AP3D1: variants seen among roughly 807,000 people sequenced by gnomAD.
AP3D1 encodes the protein AP-3 complex subunit delta-1.
AP3D1 carries 51 observed loss-of-function variants against 147.6 expected under a neutral mutation model. The observed-to-expected ratio is 0.35, with a 90% CI of 0.28 to 0.44. AP3D1 has a LOEUF of 0.44. Ranked by LOEUF, AP3D1 falls within the 20% of genes least tolerant of loss-of-function variation. The pLI is 1.00. For synonymous variants in AP3D1, 760 were observed against 663.0 expected (o/e 1.15, Z -2.25); for missense variants, 1,421 against 1,624.2 (o/e 0.87, Z 2.15).
chr19:2,151,186 C>T (rs1455602732), intron 1 of AP3D1, 53 bp downstream of exon 1: 18 of 1,552,962 alleles, frequency 1.2e-5, no homozygotes, highest in Middle Eastern at 3.6e-4. Context: ...AGGGCTGGGC[C>T]CTGGGCCGGG....
At chr19:2,116,311 A>G (rs2145045659) in intron 17 of AP3D1, 33 bp from the exon 18 acceptor site, 2 of 1,604,816 alleles carry the variant, frequency 1.2e-6, no homozygotes. Context: ...AGCCCGAGAG[A>G]AGCGGGCAGG....
At chr19:2,155,624 G>A (rs1431249153), upstream of AP3D1, among the ~76,000 whole-genome samples, 1 of 151,084 alleles carries the variant, frequency 6.6e-6, no homozygotes, top group Non-Finnish European at 1.5e-5. Context: ...AACACACTGT[G>A]TTTTCTACCT....
At position 2,102,037 on chromosome 19, in the gene AP3D1, C is replaced by T. The variant is rs2017967899; in HGVS notation, c.*136G>A. 2 of 673,652 alleles carry T rather than the reference C, an allele frequency of 3.0e-6. No individual in the cohort carries two copies. Among genetic ancestry groups the T allele is most frequent in the Non-Finnish European group, 5.2e-6 (2 of 386,832 alleles). 41.7% of individuals were successfully genotyped at this position (673,652 alleles called of 1,614,324 possible). A position where few individuals can be genotyped will look rare whatever the true frequency, so the allele number is the denominator to read the frequency against. ...CGCAACAAATGACCTCGGATGTCTA[C>T]ACGGCGGACAACATAGAGTTAAATT... On this transcript the variant is annotated 3_prime_UTR_variant, in exon 32 of 32. Coordinates refer to ENST00000643116, the MANE Select transcript of AP3D1 (RefSeq NM_001261826.3).
At chr19:2,157,008 A>C in intron 1 of AP3D1, among the ~76,000 whole-genome samples, 1 of 150,360 alleles carries the variant, frequency 6.7e-6, no homozygotes, top group Non-Finnish European at 1.5e-5. Context: ...GGTTTGTTGA[A>C]AAAAACAAAC....
At chr19:2,118,574 G>C (rs777273893) in intron 15 of AP3D1, 27 bp downstream of exon 15, 1 of 1,584,536 alleles carries the variant, frequency 6.3e-7, no homozygotes. Context: ...CCTGAGGCTC[G>C]GCCCAACACG....
At chr19:2,143,391 C>T (rs190875029) in intron 1 of AP3D1, among the ~76,000 whole-genome samples, 15 of 152,034 alleles carry the variant, frequency 9.9e-5, no homozygotes, top group South Asian at 6.2e-4. Flanking sequence ...CAGGCGCCCG[C>T]GACCATGCCT....
intron 1 of AP3D1, among the ~76,000 whole-genome samples, chr19:2,141,539 TCAAGTG>T (rs1422271514): frequency 6.6e-6 from 1 of 151,108 alleles, no homozygotes; most frequent in Non-Finnish European, 1.5e-5. Context: ...TTCAAGTGAT[TCAAGTG>T]ATTCTCCTGC....
chr19:2,142,878 T>C (rs2019258725), intron 1 of AP3D1, among the ~76,000 whole-genome samples: 1 of 151,880 alleles, frequency 6.6e-6, no homozygotes, highest in African/African-American at 2.4e-5. Context: ...GATTCTCCTG[T>C]CTCAGCCTCC....
At chr19:2,117,934 TG>T (rs1489990665) in intron 15 of AP3D1, among the ~76,000 whole-genome samples, 1 of 152,202 alleles carries the variant, frequency 6.6e-6, no homozygotes, top group East Asian at 1.9e-4. Context: ...CTGTGGAGTG[TG>T]GATCACCTGA....
rs1568290995 is a variant in AP3D1, at chr19:2,124,939, TCCC to T, written c.857-1063_857-1061del. On this transcript the variant is annotated intron_variant, in intron 9 of 31. Transcript: ENST00000643116. ...GGGCAACAAGAGAGAAACTCCGCGA[TCCC>T]CCCCACCGCCCCAAAAAAGAATGAT... 2.0e-5 allele frequency among the ~76,000 whole-genome samples: 3 copies of T among 151,612 alleles called. No individual in the cohort carries two copies. The South Asian group carries it at 6.3e-4, about 32-fold the overall frequency.
intron 5 of AP3D1, 72 bp from the exon 6 acceptor site, chr19:2,130,609 C>G: frequency 6.3e-7 from 1 of 1,593,648 alleles, no homozygotes; most frequent in Non-Finnish European, 8.6e-7. Flanking sequence ...TCCCAGCCGC[C>G]TCCTCCACAG....
At position 2,111,842 on chromosome 19, in the gene AP3D1, AGGGTC is replaced by A; in HGVS notation, c.2788-19_2788-15del. ...CTTGGGAGATTTCTGGAGCAAGAGG[AGGGTC>A]GGGTTCAGTGCCCAGGCTGCTCCAG... On this transcript the variant is annotated splice_polypyrimidine_tract_variant and intron_variant, in intron 24 of 31. Transcript: ENST00000643116. The A allele has an allele frequency of 6.2e-7, 1 of 1,613,212 alleles. No individual in the cohort carries two copies. Among genetic ancestry groups the A allele is most frequent in the East Asian group, 2.2e-5 (1 of 44,844 alleles).
At chr19:2,147,929 A>C (rs1259553116) in intron 1 of AP3D1, among the ~76,000 whole-genome samples, 1 of 151,854 alleles carries the variant, frequency 6.6e-6, no homozygotes, top group African/African-American at 2.4e-5. Flanking sequence ...TCACACCTGT[A>C]ATCCAGCACT....
exon 1 of AP3D1, chr19:2,164,389 C>A: frequency 3.5e-6 from 2 of 577,812 alleles, no homozygotes; most frequent in Non-Finnish European, 5.0e-6. Context: ...CCCTGGACTC[C>A]ACTGTCGCTG....
In AP3D1 at chr19:2,113,359, C is replaced by T. The variant is rs997883756; in HGVS notation, c.2656G>A (p.Ala886Thr). ...STTPPPAPAP[A>T]PAPVPSTGEL... ...ACCGTGGATGGAACGGGGGCGGGGG[C>T]GGGGGCGGGGGCAGGCGGTGGGGTG... is the stretch of plus-strand genomic sequence containing the variant. Residue 886 changes from alanine to threonine, a missense_variant, in exon 23 of 32, where the codon GCC (alanine) becomes ACC (threonine). Ala to Thr is a moderately conservative substitution (Grantham distance 58). This residue lies in a region of AP3D1 where 791 missense variants were observed against 761.4 expected (regional missense o/e 1.04). Transcript: ENST00000643116. 7 of 188,464 alleles carry T rather than the reference C, an allele frequency of 3.7e-5. No individual in the cohort carries two copies. The highest frequency in any genetic ancestry group is 4.8e-5 in the Non-Finnish European group (7 of 145,982). The allele number at this position is 188,464 out of a possible 1,614,324, so 11.7% of individuals were successfully genotyped here.
intron 1 of AP3D1, among the ~76,000 whole-genome samples, chr19:2,142,981 C>A (rs1453922424): frequency 1.3e-5 from 2 of 151,920 alleles, no homozygotes; most frequent in Non-Finnish European, 2.9e-5. Context: ...CCAGGCTGAT[C>A]TCGAACTCCC....
rs1480832691 is a variant in AP3D1 at position 2,144,732 on chromosome 19, G to A, written c.97-6018C>T. Among the ~76,000 whole-genome samples the A allele has an allele frequency of 5.3e-5, 8 of 152,082 alleles. No homozygotes were observed. The East Asian group carries it at 7.7e-4, about 15-fold the overall frequency. ...AGCTTGGTCAACATGGTGAAACACC[G>A]TCTCCACTAAAAATACAAAAATTAG... On this transcript the variant is annotated intron_variant, in intron 1 of 31. Coordinates refer to ENST00000643116, the MANE Select transcript of AP3D1 (RefSeq NM_001261826.3).
intron 1 of AP3D1, among the ~76,000 whole-genome samples, chr19:2,142,096 T>C (rs1366055682): frequency 6.6e-6 from 1 of 150,812 alleles, no homozygotes; most frequent in Non-Finnish European, 1.5e-5. Flanking sequence ...CGGCTCACTG[T>C]AACCTCCGCC....
At chr19:2,116,368 C>A in intron 17 of AP3D1, 90 bp from the exon 18 acceptor site, 1 of 1,405,386 alleles carries the variant, frequency 7.1e-7, no homozygotes, top group Non-Finnish European at 9.7e-7. Context: ...CTGGGGAAGG[C>A]TGGATCTCTG....
Sources: allele counts gnomAD v4.1 joint callset (sites outside exome capture counted in the v4.1 genomes callset), GRCh38; gene constraint gnomAD v4.1.1; regional missense constraint gnomAD v4.1.1; transcripts MANE v1.5; gene names NCBI Gene and HGNC (gene_info 2026-07-23, HGNC 2026-07-21).